The following CCSER1 variants were observed in gnomAD, a reference collection of about 807,000 sequenced individuals.
CCSER1 encodes the protein coiled-coil serine rich protein 1.
In CCSER1, 41 loss-of-function variants were observed where a neutral mutation model predicts 82.0. The observed-to-expected ratio is 0.50, with a 90% CI of 0.39 to 0.65. CCSER1 has a LOEUF of 0.65. Ranked by LOEUF, CCSER1 falls within the 30% of genes least tolerant of loss-of-function variation. CCSER1 has a pLI of 0.00. For missense variants in CCSER1, 1,119 were observed against 1,064.2 expected (o/e 1.05, Z -0.72); for synonymous variants, 414 against 383.9 (o/e 1.08, Z -0.92).
chr4:91,187,311 A>C (rs1734638481), intron 10 of CCSER1, among the ~76,000 whole-genome samples: 1 of 152,244 alleles, frequency 6.6e-6, no homozygotes, highest in Non-Finnish European at 1.5e-5. Flanking sequence ...TTTCTTACTG[A>C]ATACATATCT....
At chr4:90,249,097 A>G (rs1255768049) in intron 1 of CCSER1, among the ~76,000 whole-genome samples, 1 of 152,136 alleles carries the variant, frequency 6.6e-6, no homozygotes, top group Non-Finnish European at 1.5e-5. Flanking sequence ...TGGCAAAGAC[A>G]TGGCATACTT....
chr4:90,600,870 T>G (rs1783951660), intron 5 of CCSER1, among the ~76,000 whole-genome samples: 1 of 152,040 alleles, frequency 6.6e-6, no homozygotes, highest in Non-Finnish European at 1.5e-5. Context: ...GTTTAGGTCT[T>G]TATATAAGCA....
intron 1 of CCSER1, among the ~76,000 whole-genome samples, chr4:90,178,855 A>G (rs1327981487): frequency 1.3e-5 from 2 of 152,168 alleles, no homozygotes; most frequent in African/African-American, 4.8e-5. Flanking sequence ...ATTCTATATG[A>G]TATGCTCCGC....
intron 10 of CCSER1, among the ~76,000 whole-genome samples, chr4:91,246,735 A>G (rs998822494): frequency 6.6e-6 from 1 of 152,112 alleles, no homozygotes; most frequent in African/African-American, 2.4e-5. Flanking sequence ...TTGCATGTCT[A>G]TATTAAAATA....
intron 4 of CCSER1, among the ~76,000 whole-genome samples, chr4:90,439,852 G>A (rs1759594761): frequency 6.6e-6 from 1 of 151,896 alleles, no homozygotes; most frequent in South Asian, 2.1e-4. Context: ...TTTACTTTTT[G>A]TTCTATGCAA....
chr4:90,284,005 G>A (rs1729364122), intron 1 of CCSER1, among the ~76,000 whole-genome samples: 1 of 151,652 alleles, frequency 6.6e-6, no homozygotes, highest in Non-Finnish European at 1.5e-5. Flanking sequence ...CTGTCTTTAG[G>A]ATAAAAACCA....
At chr4:91,106,327 G>T (rs938594829) in intron 10 of CCSER1, among the ~76,000 whole-genome samples, 7 of 152,138 alleles carry the variant, frequency 4.6e-5, no homozygotes, top group African/African-American at 7.2e-5. Flanking sequence ...TAGTTAGTAA[G>T]CCCAGGAAGC....
rs149554964 is a variant in CCSER1 at position 90,927,880 on chromosome 4, T to C, written c.2172+4433T>C. 6.3e-3 allele frequency among the ~76,000 whole-genome samples: 956 copies of C among 152,138 alleles called. 15 individuals are homozygous for C. Among genetic ancestry groups the C allele is most frequent in the African/African-American group, 0.022 (920 of 41,570 alleles). The stretch of plus-strand genomic sequence containing the variant: ...TTATTAGATAGAGCAGAAGTGTTTT[T>C]TGTGCTTGTGCTAATGTATTATGTC... On this transcript the variant is annotated intron_variant, in intron 9 of 10. Transcript: ENST00000509176.
intron 10 of CCSER1, among the ~76,000 whole-genome samples, chr4:91,539,094 T>A (rs370312290): frequency 6.6e-6 from 1 of 152,194 alleles, no homozygotes; most frequent in African/African-American, 2.4e-5. Flanking sequence ...AATCATCCAA[T>A]TGTTTTAGTT....
intron 10 of CCSER1, among the ~76,000 whole-genome samples, chr4:91,506,446 A>G (rs1406297473): frequency 1.3e-5 from 2 of 152,072 alleles, no homozygotes; most frequent in Non-Finnish European, 2.9e-5. Flanking sequence ...TTTTGGTTCC[A>G]TATGAAATTT....
intron 10 of CCSER1, among the ~76,000 whole-genome samples, chr4:91,392,042 CTATT>C (rs1751685145): frequency 6.6e-6 from 1 of 151,918 alleles, no homozygotes; most frequent in Non-Finnish European, 1.5e-5. Flanking sequence ...CAATTGTACT[CTATT>C]TGTAGTATTT....
chr4:90,417,502 T>C (rs1755998360), intron 4 of CCSER1, among the ~76,000 whole-genome samples: 1 of 152,086 alleles, frequency 6.6e-6, no homozygotes, highest in Non-Finnish European at 1.5e-5. Flanking sequence ...TTATTTAATG[T>C]TTTTGGATAA....
At chr4:91,307,668 T>C (rs905308129) in intron 10 of CCSER1, among the ~76,000 whole-genome samples, 1 of 151,960 alleles carries the variant, frequency 6.6e-6, no homozygotes, top group Non-Finnish European at 1.5e-5. Flanking sequence ...AAAGACCTTT[T>C]CCTTGAGAGA....
intron 1 of CCSER1, among the ~76,000 whole-genome samples, chr4:90,139,592 T>G (rs953790852): frequency 6.6e-6 from 1 of 152,198 alleles, no homozygotes; most frequent in African/African-American, 2.4e-5. Context: ...CTTGGTAATT[T>G]TTTTCCTTGA....
At position 90,923,253 on chromosome 4, in the gene CCSER1, A is replaced by T. The variant is rs1728637147; in HGVS notation, c.2095-117A>T. 11 of 742,838 alleles carry T rather than the reference A, an allele frequency of 1.5e-5. No individual in the cohort carries two copies. The South Asian group carries it at 1.8e-4, about 12-fold the overall frequency. The allele number at this position is 742,838 out of a possible 1,614,324, so 46.0% of individuals were successfully genotyped here. ...TTTAAGAGCACTAACACAGCAAAGC[A>T]TATGCACAGAGAAGAACATGAATTA... On this transcript the variant is annotated intron_variant, in intron 8 of 10. Transcript: ENST00000509176.
intron 10 of CCSER1, among the ~76,000 whole-genome samples, chr4:91,496,944 G>T (rs1282148607): frequency 2.7e-5 from 4 of 147,896 alleles, no homozygotes; most frequent in African/African-American, 7.4e-5. Flanking sequence ...TTTTGGGAAT[G>T]AAATTATAAA....
intron 10 of CCSER1, among the ~76,000 whole-genome samples, chr4:91,465,391 C>T (rs1756826913): frequency 6.6e-6 from 1 of 152,106 alleles, no homozygotes; most frequent in South Asian, 2.1e-4. Flanking sequence ...TAAATGCCCA[C>T]AAGAGAAAGC....
intron 5 of CCSER1, among the ~76,000 whole-genome samples, chr4:90,617,885 T>C (rs190826366): frequency 8.5e-5 from 13 of 152,268 alleles, no homozygotes; most frequent in African/African-American, 2.9e-4. Flanking sequence ...TTGACAGTTC[T>C]ATTGTATATA....
At position 91,014,153 on chromosome 4, in the gene CCSER1, A is replaced by G. The variant is rs1001841334; in HGVS notation, c.2173-71797A>G. On this transcript the variant is annotated intron_variant, in intron 9 of 10. Coordinates refer to ENST00000509176, the MANE Select transcript of CCSER1 (RefSeq NM_001145065.2). Reference sequence around the variant, plus strand: ...GCGGGATTTTACTTTATTTCTGCAGATTTTTCTCCTCCTTTATACCTGACA... The same window carrying G: ...GCGGGATTTTACTTTATTTCTGCAGGTTTTTCTCCTCCTTTATACCTGACA... Among the ~76,000 whole-genome samples the G allele has an allele frequency of 1.8e-5, 2 of 113,664 alleles. 1 individual carries two copies. Among genetic ancestry groups the G allele is most frequent in the Non-Finnish European group, 4.1e-5 (2 of 49,218 alleles). 74.6% of individuals were successfully genotyped at this position (113,664 alleles called of 152,430 possible). A position where few individuals can be genotyped will look rare whatever the true frequency, so the allele number is the denominator to read the frequency against.
Sources: gnomAD v4.1 joint callset for allele counts (sites outside exome capture counted in the v4.1 genomes callset) on GRCh38, gnomAD v4.1.1 for gene constraint, MANE v1.5 for transcripts, NCBI Gene and HGNC (gene_info 2026-07-23, HGNC 2026-07-21) for gene names.